The following NUBPL variants were observed in gnomAD, a reference collection of about 807,000 sequenced individuals.
NUBPL encodes NUBP iron-sulfur cluster assembly factor, mitochondrial.
A neutral mutation model predicts 45.7 loss-of-function variants in NUBPL; 31 were observed. That is an observed-to-expected ratio of 0.68 (90% CI 0.51 to 0.92). The LOEUF is 0.92. Ranked by LOEUF, NUBPL falls within the 40% of genes least tolerant of loss-of-function variation. NUBPL has a pLI of 0.00. For synonymous variants in NUBPL, 144 were observed against 140.9 expected (o/e 1.02, Z -0.15); for missense variants, 401 against 398.7 (o/e 1.01, Z -0.05).
intron 7 of NUBPL, among the ~76,000 whole-genome samples, chr14:31,820,968 C>T (rs527774289): frequency 6.6e-6 from 1 of 151,864 alleles, no homozygotes; most frequent in African/African-American, 2.4e-5. Flanking sequence ...TAAATAAATA[C>T]AAAAATTAGC....
intron 3 of NUBPL, among the ~76,000 whole-genome samples, chr14:31,592,336 G>A (rs1408390506): frequency 6.6e-6 from 1 of 152,126 alleles, no homozygotes; most frequent in Non-Finnish European, 1.5e-5. Context: ...GGTTATGTGG[G>A]GTGAATGGTT....
chr14:31,837,304 C>A (rs1204012992), intron 8 of NUBPL, among the ~76,000 whole-genome samples: 2 of 152,130 alleles, frequency 1.3e-5, no homozygotes, highest in Non-Finnish European at 2.9e-5. Flanking sequence ...GCATTCCAGC[C>A]TGAGCAGCAG....
chr14:31,732,903 G>A (rs1340713194), intron 6 of NUBPL, among the ~76,000 whole-genome samples: 8 of 152,052 alleles, frequency 5.3e-5, no homozygotes, highest in South Asian at 4.1e-4. Context: ...GTGCATCACC[G>A]CGCCCGGCCT....
intron 4 of NUBPL, chr14:31,662,095 ATCT>A (rs1178959132): frequency 6.6e-6 from 1 of 151,798 alleles, no homozygotes; most frequent in African/African-American, 2.4e-5. Context: ...GGCCATGCTA[ATCT>A]TCTGTATCAT....
In NUBPL at chr14:31,596,191, C is replaced by G. The variant is rs553373422; in HGVS notation, c.292-3098C>G. 1.4e-3 allele frequency among the ~76,000 whole-genome samples: 206 copies of G among 152,170 alleles called. 2 individuals carry two copies. The highest frequency in any genetic ancestry group is 8.8e-4 in the Non-Finnish European group (60 of 67,996). Reference sequence around the variant, plus strand: ...GTGCTGGGATTACAGGCGTGAGCCACCGCGCCCGGCCTGGACACTGATTTT... The same window carrying G: ...GTGCTGGGATTACAGGCGTGAGCCAGCGCGCCCGGCCTGGACACTGATTTT... On this transcript the variant is annotated intron_variant, in intron 3 of 10. Coordinates refer to ENST00000281081, the MANE Select transcript of NUBPL (RefSeq NM_025152.3).
At chr14:31,589,969 T>A (rs977103480) in intron 3 of NUBPL, among the ~76,000 whole-genome samples, 1 of 152,252 alleles carries the variant, frequency 6.6e-6, no homozygotes, top group Non-Finnish European at 1.5e-5. Context: ...AGGAAGTTGC[T>A]GAATTTGCTT....
chr14:31,562,600 T>G (rs1276308188), intron 2 of NUBPL, among the ~76,000 whole-genome samples: 2 of 125,012 alleles, frequency 1.6e-5, no homozygotes, highest in African/African-American at 6.3e-5. Context: ...AACTTTTTTT[T>G]TTTGTTTTTT....
At chr14:31,611,198 A>T (rs2034747869) in intron 4 of NUBPL, among the ~76,000 whole-genome samples, 1 of 152,212 alleles carries the variant, frequency 6.6e-6, no homozygotes, top group African/African-American at 2.4e-5. Context: ...CTCCACAAAA[A>T]AACTATTAGA....
At chr14:31,575,083 A>G (rs2033685739) in intron 3 of NUBPL, among the ~76,000 whole-genome samples, 1 of 152,114 alleles carries the variant, frequency 6.6e-6, no homozygotes. Flanking sequence ...TGATTACATA[A>G]TGTCTTAACA....
At chr14:31,561,959 A>G in intron 1 of NUBPL, 109 bp from the exon 2 acceptor site, 2 of 1,051,782 alleles carry the variant, frequency 1.9e-6, no homozygotes, top group South Asian at 2.9e-5. Context: ...GAGCAGAATT[A>G]GAAAAGAAAG....
chr14:31,680,014 T>G (rs1156885553), intron 6 of NUBPL, among the ~76,000 whole-genome samples: 1 of 152,172 alleles, frequency 6.6e-6, no homozygotes, highest in Non-Finnish European at 1.5e-5. Flanking sequence ...GAATTGTTAT[T>G]TAAGTATTGA....
chr14:31,576,197 G>C (rs113705284), intron 3 of NUBPL, among the ~76,000 whole-genome samples: 1,629 of 152,292 alleles, frequency 0.011, 24 homozygotes, highest in African/African-American at 0.037. Context: ...CTAAGGGCCT[G>C]TCATCTCTTA....
chr14:31,591,679 T>A (rs113147973), intron 3 of NUBPL, among the ~76,000 whole-genome samples: 1 of 152,002 alleles, frequency 6.6e-6, no homozygotes, highest in Non-Finnish European at 1.5e-5. Flanking sequence ...GTATAATTAT[T>A]ATATAGTAAT....
intron 6 of NUBPL, among the ~76,000 whole-genome samples, chr14:31,684,084 A>G (rs1400750850): frequency 6.6e-6 from 1 of 152,214 alleles, no homozygotes; most frequent in Non-Finnish European, 1.5e-5. Flanking sequence ...TCAATAGCTA[A>G]GGGCATGGAC....
At chr14:31,691,704 G>A (rs2037098012) in intron 6 of NUBPL, among the ~76,000 whole-genome samples, 1 of 152,190 alleles carries the variant, frequency 6.6e-6, no homozygotes, top group Admixed American at 6.5e-5. Flanking sequence ...TAGTGGAAAT[G>A]AGGCGAACAT....
intron 7 of NUBPL, among the ~76,000 whole-genome samples, chr14:31,810,831 A>C (rs922553052): frequency 1.3e-5 from 2 of 152,122 alleles, no homozygotes; most frequent in African/African-American, 4.8e-5. Flanking sequence ...AAAATCTCTC[A>C]GCATTTGCTA....
intron 6 of NUBPL, among the ~76,000 whole-genome samples, chr14:31,777,372 T>C (rs2039115465): frequency 6.6e-6 from 1 of 152,190 alleles, no homozygotes; most frequent in Admixed American, 6.5e-5. Flanking sequence ...CTAGAGTCTT[T>C]TACTTATGAG....
At chr14:31,622,654 G>A (rs1299337638) in intron 4 of NUBPL, among the ~76,000 whole-genome samples, 1 of 152,234 alleles carries the variant, frequency 6.6e-6, no homozygotes, top group African/African-American at 2.4e-5. Context: ...CTTTCAGAGG[G>A]TGCACACTCC....
intron 7 of NUBPL, among the ~76,000 whole-genome samples, chr14:31,798,695 G>T (rs1439921731): frequency 6.7e-6 from 1 of 148,520 alleles, no homozygotes; most frequent in East Asian, 2.0e-4. Flanking sequence ...GGGAGGCTGA[G>T]GCAGGAGAAT....
Sources: gnomAD v4.1 joint callset for allele counts (sites outside exome capture counted in the v4.1 genomes callset) on GRCh38, gnomAD v4.1.1 for gene constraint, MANE v1.5 for transcripts, NCBI Gene and HGNC (gene_info 2026-07-23, HGNC 2026-07-21) for gene names.